CCDC85C: variants seen among roughly 807,000 people sequenced by gnomAD.
The protein encoded by CCDC85C is coiled-coil domain containing 85C.
In CCDC85C, 18 loss-of-function variants were observed where a neutral mutation model predicts 38.3. The observed-to-expected ratio is 0.47, with a 90% CI of 0.33 to 0.70. The LOEUF (loss-of-function observed/expected upper bound fraction) is 0.70, where lower values mean the gene tolerates loss of function less well. Ranked by LOEUF, CCDC85C falls within the 30% of genes least tolerant of loss-of-function variation. The pLI is 0.03. For missense variants in CCDC85C, 566 were observed against 621.2 expected (o/e 0.91, Z 0.94); for synonymous variants, 264 against 293.8 (o/e 0.90, Z 1.04).
At chr14:99,549,614 A>G (rs1167614071) in intron 1 of CCDC85C, among the ~76,000 whole-genome samples, 1 of 152,202 alleles carries the variant, frequency 6.6e-6, no homozygotes, top group Non-Finnish European at 1.5e-5. Context: ...CAGGACAGGA[A>G]CGCAACTGGG....
At chr14:99,538,084 G>A (rs1897640581) in intron 1 of CCDC85C, among the ~76,000 whole-genome samples, 1 of 152,202 alleles carries the variant, frequency 6.6e-6, no homozygotes, top group Non-Finnish European at 1.5e-5. Context: ...GTGGAGTCGG[G>A]TGGGGGGTAC....
At chr14:99,528,027 G>C (rs780495717) in intron 2 of CCDC85C, among the ~76,000 whole-genome samples, 1 of 152,174 alleles carries the variant, frequency 6.6e-6, no homozygotes, top group Non-Finnish European at 1.5e-5. Flanking sequence ...ATGCCAGCTC[G>C]AGGAGAGGGC....
At position 99,588,019 on chromosome 14, in the gene CCDC85C, C is replaced by G. The variant is rs2139983494; in HGVS notation, c.793+15148G>C. On this transcript the variant is annotated intron_variant, in intron 1 of 5. Coordinates refer to ENST00000380243, the MANE Select transcript of CCDC85C (RefSeq NM_001144995.2). This position sits in a 1 kb window ranked among gnomAD's most constrained non-coding sequence, Gnocchi z 5.0. ...GTCTCCCCTCAGCCCTTCCAGCTCG[C>G]CTGTGCCTGCCAGCCCTCACTTGAA... Among the ~76,000 whole-genome samples, 1 of 152,290 alleles carries G rather than the reference C, an allele frequency of 6.6e-6. No individual in the cohort carries two copies. The highest frequency in any genetic ancestry group is 1.9e-4 in the East Asian group (1 of 5,144).
chr14:99,561,208 A>T (rs898646606), intron 1 of CCDC85C, among the ~76,000 whole-genome samples: 1 of 152,200 alleles, frequency 6.6e-6, no homozygotes, highest in Non-Finnish European at 1.5e-5. Flanking sequence ...ACCCAAGGCC[A>T]GGAGGAAAAC....
chr14:99,539,122 C>G (rs1394462635), intron 1 of CCDC85C, among the ~76,000 whole-genome samples: 10 of 152,206 alleles, frequency 6.6e-5, no homozygotes, highest in Non-Finnish European at 1.0e-4. Flanking sequence ...AACAACATAA[C>G]ACTCTTAAAA....
intron 1 of CCDC85C, among the ~76,000 whole-genome samples, chr14:99,539,918 G>A (rs548358652): frequency 2.0e-5 from 3 of 152,018 alleles, no homozygotes; most frequent in African/African-American, 4.8e-5. Flanking sequence ...AGGCCGAGGC[G>A]GGCGGATCAC....
intron 1 of CCDC85C, among the ~76,000 whole-genome samples, chr14:99,579,560 AACTCTTC>A (rs2054942688): frequency 6.6e-6 from 1 of 152,206 alleles, no homozygotes; most frequent in African/African-American, 2.4e-5. Flanking sequence ...CCTCACTCCC[AACTCTTC>A]CTGGAGCCTT....
intron 1 of CCDC85C, among the ~76,000 whole-genome samples, chr14:99,551,149 C>T (rs980841155): frequency 6.6e-6 from 1 of 152,178 alleles, no homozygotes; most frequent in Admixed American, 6.5e-5. Context: ...ATTCCATATG[C>T]GGCAGAGGAG....
chr14:99,584,285 A>G (rs2055005034), intron 1 of CCDC85C, among the ~76,000 whole-genome samples: 1 of 152,158 alleles, frequency 6.6e-6, no homozygotes. Flanking sequence ...TTCCACAATG[A>G]GCAATGGATT....
chr14:99,580,008 A>T, intron 1 of CCDC85C: 1 of 455,242 alleles, frequency 2.2e-6, no homozygotes, highest in Non-Finnish European at 4.4e-6. Context: ...CAAACCCCAC[A>T]TACCCCACAT....
chr14:99,503,040 C>A lies in CCDC85C; in HGVS notation c.*12206G>T. 1 of 1,571,440 alleles carries A rather than the reference C, an allele frequency of 6.4e-7. No homozygotes were observed. The highest frequency in any genetic ancestry group is 1.1e-5 in the South Asian group (1 of 90,214). The stretch of plus-strand genomic sequence containing the variant: ...GCAGGCTTTCCAGGTGGCGGCAACA[C>A]CTGAGCACTGTTCCCATTTCTAAGC... On this transcript the variant is annotated 3_prime_UTR_variant, in exon 6 of 6. Coordinates refer to ENST00000380243, the MANE Select transcript of CCDC85C (RefSeq NM_001144995.2).
chr14:99,530,565 C>T (rs962788222), intron 2 of CCDC85C, among the ~76,000 whole-genome samples: 19 of 152,224 alleles, frequency 1.2e-4, no homozygotes, highest in Non-Finnish European at 2.4e-4. Flanking sequence ...AGCAGCAGAT[C>T]GATCCCCTCT....
intron 1 of CCDC85C, among the ~76,000 whole-genome samples, chr14:99,580,437 C>T (rs12892075): frequency 0.34 from 43,674 of 129,770 alleles, 7,887 homozygotes; most frequent in Middle Eastern, 0.42. Flanking sequence ...ATCTCAGCCA[C>T]AGGCTGGAGA....
chr14:99,539,418 C>T (rs911401854), intron 1 of CCDC85C, among the ~76,000 whole-genome samples: 3 of 143,220 alleles, frequency 2.1e-5, no homozygotes, highest in Non-Finnish European at 3.0e-5. Flanking sequence ...TGCAGTGAGC[C>T]GAGATCACAC....
intron 1 of CCDC85C, among the ~76,000 whole-genome samples, chr14:99,556,161 G>A (rs1309472641): frequency 6.6e-6 from 1 of 152,252 alleles, no homozygotes; most frequent in East Asian, 1.9e-4. Flanking sequence ...GCTCACGCCT[G>A]TAATACCAGC....
chr14:99,534,928 G>C (rs1231366015), intron 2 of CCDC85C: 2 of 576,920 alleles, frequency 3.5e-6, no homozygotes, highest in Non-Finnish European at 6.2e-6. Context: ...GGGGGGCGGG[G>C]TGTGGAGGAG....
rs3918095 is a variant in CCDC85C, at chr14:99,505,024, G to A, written c.*10222C>T. On this transcript the variant is annotated 3_prime_UTR_variant, in exon 6 of 6. Transcript: ENST00000380243. Reference sequence around the variant, plus strand: ...GAGTCTTTCTGGAATGTGATGAATTGAAAGGCAATAGCTTCTGATAGGATC... The same window carrying A: ...GAGTCTTTCTGGAATGTGATGAATTAAAAGGCAATAGCTTCTGATAGGATC... 2,259 of 152,408 alleles carry A rather than the reference G, an allele frequency of 0.015. 19 individuals are homozygous for A. Among genetic ancestry groups the A allele is most frequent in the Non-Finnish European group, 0.024 (1,630 of 68,068 alleles). 9.4% of individuals were successfully genotyped at this position (152,408 alleles called of 1,614,324 possible). A position where few individuals can be genotyped will look rare whatever the true frequency, so the allele number is the denominator to read the frequency against.
chr14:99,508,724 C>T lies in CCDC85C; in HGVS notation c.*6522G>A, dbSNP rs1191783062. ...ATGGGGTGCCCAGGAGAGACCCCCA[C>T]TTGCTGTTCCAGCTCAGTCACACAG... On this transcript the variant is annotated 3_prime_UTR_variant, in exon 6 of 6. Transcript: ENST00000380243. 1 of 152,416 alleles carries T rather than the reference C, an allele frequency of 6.6e-6. No homozygotes were observed. The highest frequency in any genetic ancestry group is 1.5e-5 in the Non-Finnish European group (1 of 68,186). 9.4% of individuals were successfully genotyped at this position (152,416 alleles called of 1,614,324 possible).
chr14:99,561,741 T>C (rs1898121041), intron 1 of CCDC85C, among the ~76,000 whole-genome samples: 1 of 152,082 alleles, frequency 6.6e-6, no homozygotes, highest in Non-Finnish European at 1.5e-5. Context: ...CCAGGCACTG[T>C]GCCCAGCACA....
Sources: gnomAD v4.1 joint callset for allele counts (sites outside exome capture counted in the v4.1 genomes callset) on GRCh38, gnomAD v4.1.1 for gene constraint, Gnocchi (gnomAD v3.1) non-coding constraint, MANE v1.5 for transcripts, NCBI Gene and HGNC (gene_info 2026-07-23, HGNC 2026-07-21) for gene names.